YAF2: variants seen among roughly 807,000 people sequenced by gnomAD.
The protein encoded by YAF2 is YY1 associated factor 2.
YAF2 carries 7 observed loss-of-function variants against 20.1 expected under a neutral mutation model. The observed-to-expected ratio is 0.35, with a 90% CI of 0.20 to 0.65. The LOEUF (loss-of-function observed/expected upper bound fraction) is 0.65. YAF2 is among the 30% of genes least tolerant of loss of function. The pLI is 0.69. For synonymous variants in YAF2, 74 were observed against 76.0 expected (o/e 0.97, Z 0.14); for missense variants, 151 against 219.2 (o/e 0.69, Z 1.96).
chr12:42,235,154 A>C (rs775857776), intron 2 of YAF2: 29 of 988,928 alleles, frequency 2.9e-5, no homozygotes, highest in Non-Finnish European at 3.5e-5. Flanking sequence ...GACCCAAAGG[A>C]TTCAAATCCC....
chr12:42,238,236 T>C lies in YAF2; in HGVS notation c.-56A>G, dbSNP rs1447535092. 35 of 1,293,552 alleles carry C rather than the reference T, an allele frequency of 2.7e-5. No individual in the cohort carries two copies. Among genetic ancestry groups the C allele is most frequent in the Non-Finnish European group, 3.3e-5 (33 of 1,002,042 alleles). The allele number at this position is 1,293,552 out of a possible 1,614,324, so 80.1% of individuals were successfully genotyped here. On this transcript the variant is annotated 5_prime_UTR_variant, in exon 1 of 4. Coordinates refer to ENST00000534854, the MANE Select transcript of YAF2 (RefSeq NM_005748.6). ...CCGCCGCGACCGCTCTGTTTGTCAA[T>C]AAGGAGGATAATAAGCCGGGCGGAA...
intron 2 of YAF2, among the ~76,000 whole-genome samples, chr12:42,190,750 T>G (rs889234784): frequency 4.6e-5 from 7 of 152,128 alleles, no homozygotes; most frequent in African/African-American, 1.7e-4. Context: ...ACTTAAGTTT[T>G]TTCTTTTTTC....
intron 2 of YAF2, among the ~76,000 whole-genome samples, chr12:42,218,252 C>G (rs1592029164): frequency 1.3e-5 from 2 of 150,420 alleles, no homozygotes; most frequent in Non-Finnish European, 3.0e-5. Flanking sequence ...CTCATCAAGG[C>G]TTAGGTATTT....
chr12:42,200,193 T>C (rs1487892265), intron 2 of YAF2, among the ~76,000 whole-genome samples: 2 of 152,230 alleles, frequency 1.3e-5, no homozygotes, highest in East Asian at 1.9e-4. Context: ...GGGATCTTCA[T>C]CAGTATTTCA....
chr12:42,202,487 T>C (rs1425284366), intron 2 of YAF2, among the ~76,000 whole-genome samples: 1 of 152,224 alleles, frequency 6.6e-6, no homozygotes, highest in African/African-American at 2.4e-5. Flanking sequence ...CTACTTGTTT[T>C]TGAGCTTGCT....
At chr12:42,196,426 T>C (rs78588712) in intron 2 of YAF2, among the ~76,000 whole-genome samples, 1 of 152,012 alleles carries the variant, frequency 6.6e-6, no homozygotes, top group Non-Finnish European at 1.5e-5. Flanking sequence ...ATGAAACGAT[T>C]TGCAAGCCAT....
At chr12:42,195,246 T>C (rs1716142912) in intron 2 of YAF2, among the ~76,000 whole-genome samples, 1 of 152,244 alleles carries the variant, frequency 6.6e-6, no homozygotes, top group Non-Finnish European at 1.5e-5. Context: ...GTTTGACTCA[T>C]GAATCGATCT....
intron 2 of YAF2, among the ~76,000 whole-genome samples, chr12:42,183,025 T>C (rs535828271): frequency 1.9e-3 from 288 of 152,346 alleles, no homozygotes; most frequent in African/African-American, 6.8e-3. Context: ...ATTTTGGTAA[T>C]TCATAAAATG....
chr12:42,174,784 T>C (rs1292458787), intron 2 of YAF2, among the ~76,000 whole-genome samples: 1 of 152,158 alleles, frequency 6.6e-6, no homozygotes, highest in East Asian at 1.9e-4. Flanking sequence ...TTTAAAAATA[T>C]GACTAGAAAG....
At chr12:42,220,955 A>G (rs1239363393) in intron 2 of YAF2, among the ~76,000 whole-genome samples, 3 of 152,222 alleles carry the variant, frequency 2.0e-5, no homozygotes, top group South Asian at 2.1e-4. Flanking sequence ...AAACACTATG[A>G]TATCAAAGAA....
chr12:42,170,810 C>A (rs1340299269), intron 2 of YAF2, among the ~76,000 whole-genome samples: 1 of 152,164 alleles, frequency 6.6e-6, no homozygotes, highest in Non-Finnish European at 1.5e-5. Flanking sequence ...TGTGCCACTG[C>A]ACTCTAGCCT....
chr12:42,224,841 G>T (rs1391383179), intron 2 of YAF2, among the ~76,000 whole-genome samples: 1 of 152,162 alleles, frequency 6.6e-6, no homozygotes, highest in Non-Finnish European at 1.5e-5. Flanking sequence ...AAACATACGT[G>T]TGCATGTGTC....
At chr12:42,211,670 G>A (rs190735961) in intron 2 of YAF2, among the ~76,000 whole-genome samples, 15 of 148,558 alleles carry the variant, frequency 1.0e-4, no homozygotes, top group African/African-American at 3.0e-4. Flanking sequence ...GCTTGAACTC[G>A]GGAGGTGGAG....
rs190570415 is a variant in YAF2, at chr12:42,212,201, G to A, written c.152+25398C>T. 1.8e-4 allele frequency among the ~76,000 whole-genome samples: 28 copies of A among 151,714 alleles called. No homozygotes were observed. In the East Asian group the frequency reaches 3.1e-3, roughly 17 times the overall value. On this transcript the variant is annotated intron_variant, in intron 2 of 3. Transcript: ENST00000534854. ...TTAAAATAATTGCCTAAAAATGGCC[G>A]TCACTGAAATAAAAACTATTTCTAA...
At chr12:42,234,615 T>G (rs1439188596) in intron 2 of YAF2, 1 of 985,034 alleles carries the variant, frequency 1.0e-6, no homozygotes, top group Non-Finnish European at 1.2e-6. Context: ...ACCATGGATA[T>G]AGCCAAAGGA....
intron 2 of YAF2, among the ~76,000 whole-genome samples, chr12:42,222,262 A>C (rs148854644): frequency 1.3e-5 from 2 of 152,354 alleles, no homozygotes; most frequent in East Asian, 3.9e-4. Flanking sequence ...TCCTTGAATG[A>C]AAACTTGATA....
intron 2 of YAF2, among the ~76,000 whole-genome samples, chr12:42,209,119 C>A (rs1318803518): frequency 2.6e-5 from 4 of 152,148 alleles, no homozygotes; most frequent in Admixed American, 2.6e-4. Flanking sequence ...TGAACCAATT[C>A]TGTCACAATT....
At chr12:42,164,141 C>T (rs1473107927) in intron 2 of YAF2, among the ~76,000 whole-genome samples, 2 of 152,274 alleles carry the variant, frequency 1.3e-5, no homozygotes, top group Admixed American at 1.3e-4. Context: ...TAGCCACTGG[C>T]CAACTACAGT....
At chr12:42,213,431 A>C (rs2137250821) in intron 2 of YAF2, among the ~76,000 whole-genome samples, 1 of 152,374 alleles carries the variant, frequency 6.6e-6, no homozygotes, top group East Asian at 1.9e-4. Context: ...CAGATTTTGA[A>C]GCCTTACCTT....
Sources: allele counts gnomAD v4.1 joint callset (sites outside exome capture counted in the v4.1 genomes callset), GRCh38; gene constraint gnomAD v4.1.1; transcripts MANE v1.5; gene names NCBI Gene and HGNC (gene_info 2026-07-23, HGNC 2026-07-21).